APLP1: variants seen among roughly 807,000 people sequenced by gnomAD.
APLP1 encodes the protein amyloid beta (A4) precursor-like protein 1.
Under a neutral mutation model 84.5 loss-of-function variants are expected in APLP1, and 46 were observed. The ratio of observed to expected loss-of-function variants is 0.54; its 90% CI spans 0.43 to 0.70. The LOEUF (loss-of-function observed/expected upper bound fraction) is 0.70. Ranked by LOEUF, APLP1 falls within the 30% of genes least tolerant of loss-of-function variation. The probability of loss-of-function intolerance (pLI) is 0.00; values close to 1 mark genes in which losing one functional copy is unlikely to be tolerated. For missense variants in APLP1, 826 were observed against 900.2 expected (o/e 0.92, Z 1.05); for synonymous variants, 376 against 364.0 (o/e 1.03, Z -0.38).
chr19:35,878,063 T>C lies in APLP1; in HGVS notation c.1553-19T>C, dbSNP rs1437566494. On this transcript the variant is annotated intron_variant, in intron 12 of 16. Coordinates refer to ENST00000221891, the MANE Select transcript of APLP1 (RefSeq NM_001024807.3). ...TCCTCTCTTCACTGTTCCACTCCCT[T>C]GCTTCCTCTGGCTGCCAGCAGACAC... The C allele has an allele frequency of 3.1e-6, 5 of 1,611,746 alleles. No homozygotes were observed. The Admixed American group carries it at 8.4e-5, about 27-fold the overall frequency.
Position 35,872,471 on chromosome 19 carries a change from C to G in APLP1, c.851-12C>G. 1 of 1,609,760 alleles carries G rather than the reference C, an allele frequency of 6.2e-7. No homozygotes were observed. The highest frequency in any genetic ancestry group is 8.5e-7 in the Non-Finnish European group (1 of 1,178,466). On this transcript the variant is annotated splice_polypyrimidine_tract_variant and intron_variant, in intron 6 of 16. Coordinates refer to ENST00000221891, the MANE Select transcript of APLP1 (RefSeq NM_001024807.3). ...GGGCTGCAGACTGACCTCCTGATCC[C>G]TGGTCTTGCAGTCACTCCCACCCCG...
rs1442259344 is a variant in APLP1 at position 35,874,694 on chromosome 19, G to A, written c.1215+32G>A. The A allele has an allele frequency of 3.1e-6, 5 of 1,612,830 alleles. No homozygotes were observed. The South Asian group carries it at 5.5e-5, about 18-fold the overall frequency. The stretch of plus-strand genomic sequence containing the variant: ...GGACCGTGGGGGCAGAGAGCAGAGG[G>A]TGAGAAGGGTCAGGGCGGGCTTGGG... On this transcript the variant is annotated intron_variant, in intron 9 of 16. Coordinates refer to ENST00000221891, the MANE Select transcript of APLP1 (RefSeq NM_001024807.3). This position sits in a 1 kb window ranked among gnomAD's most constrained non-coding sequence, Gnocchi z 6.4.
chr19:35,879,124 C>T lies in APLP1; in HGVS notation c.1764C>T (p.Ile588=), dbSNP rs1364081195. Residue 588 remains isoleucine (I), a synonymous_variant, in exon 16 of 17, where the codon ATC becomes ATT. Transcript: ENST00000221891. ...GTGAGGCTGTGTCGGGTCTGCTGAT[C>T]ATGGGAGCGGGCGGAGGCTCCCTCA... The part of the protein sequence containing the change: ...VSREAVSGLL[I]MGAGGGSLIV... 4.3e-6 allele frequency: 7 copies of T among 1,612,348 alleles called. No homozygotes were observed. Among genetic ancestry groups the T allele is most frequent in the Non-Finnish European group, 5.9e-6 (7 of 1,179,982 alleles).
In APLP1 at chr19:35,877,734, T is replaced by G. The variant is rs756127386; in HGVS notation, c.1461T>G (p.Ser487=). ...LRPQIQELLH[S]EHLGPSELEA... ...CCCCCTCAGAGGAACTCCTCCACTC[T>G]GAACACCTGGGTCCCAGTGAATTGG... The change falls in exon 12 of 17, where the codon TCT becomes TCG. Residue 487 remains serine, a synonymous_variant. Coordinates refer to ENST00000221891, the MANE Select transcript of APLP1 (RefSeq NM_001024807.3). 1 of 1,613,024 alleles carries G rather than the reference T, an allele frequency of 6.2e-7. No homozygotes were observed. The highest frequency in any genetic ancestry group is 1.1e-5 in the South Asian group (1 of 90,978).
At position 35,875,470 on chromosome 19, in the gene APLP1, C is replaced by T. The variant is rs190369670; in HGVS notation, c.1344+601C>T. Among the ~76,000 whole-genome samples the T allele has an allele frequency of 4.3e-4, 65 of 152,156 alleles. 1 individual carries two copies. Among genetic ancestry groups the T allele is most frequent in the African/African-American group, 1.5e-3 (62 of 41,506 alleles). On this transcript the variant is annotated intron_variant, in intron 10 of 16. Transcript: ENST00000221891. ...CCTCCTGAGTAGCTGGGACTACAGGCGGGTGTCACCACATCTGGCTGATTT... is the reference window on the plus strand; with the variant it reads ...CCTCCTGAGTAGCTGGGACTACAGGTGGGTGTCACCACATCTGGCTGATTT...
At position 35,872,630 on chromosome 19, in the gene APLP1, C is replaced by T. The variant is rs532584635; in HGVS notation, c.981+17C>T. 1.7e-5 allele frequency: 27 copies of T among 1,607,902 alleles called. No homozygotes were observed. The East Asian group carries it at 5.4e-4, about 32-fold the overall frequency. On this transcript the variant is annotated intron_variant, in intron 7 of 16. Coordinates refer to ENST00000221891, the MANE Select transcript of APLP1 (RefSeq NM_001024807.3). ...ATTAATGAGGTGATAATACTGGGGGCCCCAGGACCCCCTACAGTACAGAGC... is the reference window on the plus strand; with the variant it reads ...ATTAATGAGGTGATAATACTGGGGGTCCCAGGACCCCCTACAGTACAGAGC...
At position 35,873,719 on chromosome 19, in the gene APLP1, A is replaced by T. The variant is rs1974215021; in HGVS notation, c.1056+6A>T. 1 of 1,613,654 alleles carries T rather than the reference A, an allele frequency of 6.2e-7. No individual in the cohort carries two copies. The highest frequency in any genetic ancestry group is 1.3e-5 in the African/African-American group (1 of 75,056). On this transcript the variant is annotated splice_donor_region_variant and intron_variant, in intron 8 of 16. Transcript: ENST00000221891. ...ACAGACAGGCCCTGAATGAGGTAGG[A>T]CAGCCCCAGTGGGTCCTACTCATGC...
intron 10 of APLP1, among the ~76,000 whole-genome samples, chr19:35,875,406 A>G (rs1190139315): frequency 6.6e-6 from 1 of 150,578 alleles, no homozygotes; most frequent in East Asian, 1.9e-4. Flanking sequence ...GCTCACTGCA[A>G]CCTCCGCCTA....
Position 35,871,268 on chromosome 19 carries a change from G to T in APLP1, c.456G>T (p.Val152=). 2 of 1,613,666 alleles carry T rather than the reference G, an allele frequency of 1.2e-6. No individual in the cohort carries two copies. The highest frequency in any genetic ancestry group is 1.7e-6 in the Non-Finnish European group (2 of 1,179,860). The change falls in exon 4 of 17, where the codon GTG becomes GTT. Residue 152 remains valine (V), a synonymous_variant. Transcript: ENST00000221891. The stretch of plus-strand genomic sequence containing the variant: ...AATTTGTGAGTGAGGCCCTGCTGGT[G>T]CCTGAAGGCTGCCGGTTCTTGCACC... ...PGEFVSEALL[V]PEGCRFLHQE...
Position 35,877,794 on chromosome 19 carries a change from G to A in APLP1, c.1521G>A (p.Lys507=). The A allele has an allele frequency of 4.3e-6, 7 of 1,610,812 alleles. No individual in the cohort carries two copies. The highest frequency in any genetic ancestry group is 5.9e-6 in the Non-Finnish European group (7 of 1,179,110). ...APAPGGSSED[K]GGLQPPDSKD... is the part of the protein sequence containing the mutation. ...CCCCTGGGGGCAGCAGCGAGGACAA[G>A]GGTGGGCTGCAGCCTCCAGATTCCA... Residue 507 remains lysine (K), a synonymous_variant, in exon 12 of 17, where the codon AAG becomes AAA. Transcript: ENST00000221891.
intron 7 of APLP1, 50 bp from the exon 8 acceptor site, chr19:35,873,589 A>G (rs1302464057): frequency 2.5e-6 from 4 of 1,590,148 alleles, no homozygotes; most frequent in South Asian, 2.2e-5. Flanking sequence ...GGGACTTGCC[A>G]GGTGGATCAG....
At position 35,876,621 on chromosome 19, in the gene APLP1, G is replaced by A; in HGVS notation, c.1444+5G>A. The A allele has an allele frequency of 6.2e-7, 1 of 1,607,950 alleles. No homozygotes were observed. Among genetic ancestry groups the A allele is most frequent in the Non-Finnish European group, 8.5e-7 (1 of 1,176,450 alleles). On this transcript the variant is annotated splice_donor_5th_base_variant and intron_variant, in intron 11 of 16. Coordinates refer to ENST00000221891, the MANE Select transcript of APLP1 (RefSeq NM_001024807.3). ...AGGAGCTGCGGCCCCAAATCCGTGA[G>A]TGTCTATTACCCTGGCTCCCATTAC... is the stretch of plus-strand genomic sequence containing the variant.
chr19:35,879,430 G>A lies in APLP1; in HGVS notation c.1945G>A (p.Glu649Lys), dbSNP rs780380586. 2.6e-5 allele frequency: 42 copies of A among 1,613,180 alleles called. No homozygotes were observed. In the East Asian group the frequency reaches 6.5e-4, roughly 25 times the overall value. Reference sequence around the variant, plus strand: ...GAACCCCACTTACCGCTTCCTGGAGGAACGACCCTGACCCGGCCCCCTTCA... The same window carrying A: ...GAACCCCACTTACCGCTTCCTGGAGAAACGACCCTGACCCGGCCCCCTTCA... ...YENPTYRFLEERP is the reference protein window; with the variant it reads ...YENPTYRFLEKRP The change falls in exon 17 of 17, where the codon GAA becomes AAA. Residue 649 changes from glutamate (E) to lysine (K), a missense_variant. By Grantham distance (56) the Glu-to-Lys change is moderately conservative (BLOSUM62 1). Transcript: ENST00000221891.
rs1306154986 is a variant in APLP1, at chr19:35,871,991, A to G, written c.805A>G (p.Thr269Ala). Residue 269 changes from threonine (T) to alanine (A), a missense_variant, in exon 6 of 17, where the codon ACG becomes GCG. Around this residue, in one of 3 missense-constraint regions of APLP1, gnomAD observed 383 missense variants for 378.3 expected, o/e 1.01. Coordinates refer to ENST00000221891, the MANE Select transcript of APLP1 (RefSeq NM_001024807.3). ...EPPQAEEEEE[T>A]VPPPSSHTLA... The stretch of plus-strand genomic sequence containing the variant: ...TCCGCAGGCTGAAGAGGAAGAGGAA[A>G]CGGTCCCACCCCCAAGCTCCCATAC... 1.9e-6 allele frequency: 3 copies of G among 1,614,068 alleles called. No individual in the cohort carries two copies. The South Asian group carries it at 3.3e-5, about 18-fold the overall frequency.
rs1275071305 is a variant in APLP1, at chr19:35,874,905, A to G, written c.1344+36A>G. 8 of 1,597,790 alleles carry G rather than the reference A, an allele frequency of 5.0e-6. No homozygotes were observed. Among genetic ancestry groups the G allele is most frequent in the Non-Finnish European group, 6.8e-6 (8 of 1,177,308 alleles). On this transcript the variant is annotated intron_variant, in intron 10 of 16. Coordinates refer to ENST00000221891, the MANE Select transcript of APLP1 (RefSeq NM_001024807.3). The surrounding 1 kb of genome is among the most constrained non-coding windows in gnomAD (Gnocchi z 6.4). The stretch of plus-strand genomic sequence containing the variant: ...CCTTCCAGCTCCCAAATGCGCCGCT[A>G]TTCCTCAGACGCCCGCGCCTCAGGC...
At position 35,868,657 on chromosome 19, in the gene APLP1, T is replaced by C; in HGVS notation, c.21T>C (p.Ala7=). ...GGGACATGGGGCCCGCCAGCCCCGC[T>C]GCTCGCGGTCTAAGTCGCCGCCCGG... is the stretch of plus-strand genomic sequence containing the variant. MGPASP[A]ARGLSRRPGQ... The change falls in exon 1 of 17, where the codon GCT becomes GCC. Residue 7 remains alanine, a synonymous_variant. Transcript: ENST00000221891. This position sits in a 1 kb window ranked among gnomAD's most constrained non-coding sequence, Gnocchi z 5.2. 7.2e-7 allele frequency: 1 copy of C among 1,386,502 alleles called. No homozygotes were observed. The highest frequency in any genetic ancestry group is 9.3e-7 in the Non-Finnish European group (1 of 1,073,412). 85.9% of individuals were successfully genotyped at this position (1,386,502 alleles called of 1,614,324 possible).
chr19:35,873,120 A>G (rs1371898166), intron 7 of APLP1, among the ~76,000 whole-genome samples: 4 of 151,626 alleles, frequency 2.6e-5, no homozygotes, highest in Non-Finnish European at 5.9e-5. Flanking sequence ...TCGGCCTCCC[A>G]AAGTGCTGGG....
intron 2 of APLP1, among the ~76,000 whole-genome samples, 160 bp downstream of exon 2, chr19:35,869,970 C>A (rs1434418279): frequency 6.7e-6 from 1 of 149,756 alleles, no homozygotes; most frequent in Non-Finnish European, 1.5e-5. Flanking sequence ...TTTTGAGATA[C>A]TAAGTCAGGA....
At chr19:35,875,526 A>G (rs1012824573) in intron 10 of APLP1, among the ~76,000 whole-genome samples, 1 of 152,136 alleles carries the variant, frequency 6.6e-6, no homozygotes, top group African/African-American at 2.4e-5. Flanking sequence ...GGGTTTCACC[A>G]TACTGGTCAG....
Sources: gnomAD v4.1 joint callset for allele counts (sites outside exome capture counted in the v4.1 genomes callset) on GRCh38, gnomAD v4.1.1 for gene constraint, gnomAD v4.1.1 regional missense constraint, Gnocchi (gnomAD v3.1) non-coding constraint, MANE v1.5 for transcripts, NCBI Gene and HGNC (gene_info 2026-07-23, HGNC 2026-07-21) for gene names.